The following FAM193A variants were observed in gnomAD, a reference collection of about 807,000 sequenced individuals.
FAM193A encodes the protein family with sequence similarity 193 member A.
Under a neutral mutation model 126.5 loss-of-function variants are expected in FAM193A, and 22 were observed. That is an observed-to-expected ratio of 0.17 (90% CI 0.12 to 0.25). FAM193A has a LOEUF of 0.25. FAM193A is among the 10% of genes least tolerant of loss of function. The pLI is 1.00. For synonymous variants in FAM193A, 761 were observed against 646.8 expected (o/e 1.18, Z -2.68); for missense variants, 1,675 against 1,672.8 (o/e 1.00, Z -0.02).
At chr4:2,544,003 T>G (rs566726047) in intron 1 of FAM193A, among the ~76,000 whole-genome samples, 1 of 152,070 alleles carries the variant, frequency 6.6e-6, no homozygotes, top group South Asian at 2.1e-4. Flanking sequence ...GAGGGTGCAC[T>G]TAGAAGCCTT....
At chr4:2,689,745 C>T (rs1560571136) in intron 14 of FAM193A, 41 bp downstream of exon 14, 1 of 1,398,898 alleles carries the variant, frequency 7.1e-7, no homozygotes, top group East Asian at 2.5e-5. Context: ...TTTAAAATAA[C>T]CTGAGTAGAC....
Position 2,672,355 on chromosome 4 carries a change from C to T in FAM193A, c.2314C>T (p.Pro772Ser). 1 of 1,614,174 alleles carries T rather than the reference C, an allele frequency of 6.2e-7. No homozygotes were observed. The highest frequency in any genetic ancestry group is 8.5e-7 in the Non-Finnish European group (1 of 1,180,026). Residue 772 changes from proline (P) to serine (S), a missense_variant, in exon 13 of 21, where the codon CCC becomes TCC. Pro to Ser is a moderately conservative substitution (Grantham distance 74). Transcript: ENST00000637812. ...LIHPTLYATP[P>S]FTHSKALPPA... ...CCACCCCACCTTGTATGCAACGCCC[C>T]CCTTCACACACAGTAAGGTAAGTCA...
intron 13 of FAM193A, among the ~76,000 whole-genome samples, chr4:2,675,355 A>G (rs141339805): frequency 1.5e-4 from 23 of 152,270 alleles, no homozygotes; most frequent in Non-Finnish European, 2.6e-4. Flanking sequence ...CGTGCCCTTG[A>G]AGACTTCCAT....
At chr4:2,731,637 G>A (rs1305696702) in intron 20 of FAM193A, 138 bp from the exon 21 acceptor site, 2 of 660,854 alleles carry the variant, frequency 3.0e-6, no homozygotes, top group Non-Finnish European at 5.4e-6. Context: ...CCTTGACACT[G>A]TGCCCCTCAC....
chr4:2,633,530 AG>A (rs1743805367), intron 5 of FAM193A, among the ~76,000 whole-genome samples: 1 of 151,978 alleles, frequency 6.6e-6, no homozygotes, highest in African/African-American at 2.4e-5. Flanking sequence ...ATTGATTTCT[AG>A]GGGTCCAGCA....
intron 1 of FAM193A, among the ~76,000 whole-genome samples, chr4:2,551,737 T>C (rs767258040): frequency 6.6e-6 from 1 of 152,154 alleles, no homozygotes; most frequent in Non-Finnish European, 1.5e-5. Context: ...GCTGTTGGTT[T>C]TACTGATTTT....
intron 2 of FAM193A, among the ~76,000 whole-genome samples, chr4:2,604,791 C>CTTTT (rs869148370): frequency 6.1e-4 from 61 of 99,564 alleles, no homozygotes; most frequent in African/African-American, 8.3e-4. Flanking sequence ...TTTCTTTTTC[C>CTTTT]TTTTTTTTTT....
Position 2,662,985 on chromosome 4 carries a change from G to T in FAM193A, c.1893G>T (p.Lys631Asn). 2 of 1,612,562 alleles carry T rather than the reference G, an allele frequency of 1.2e-6. No individual in the cohort carries two copies. Among genetic ancestry groups the T allele is most frequent in the Non-Finnish European group, 1.7e-6 (2 of 1,178,696 alleles). ...LNGGGENMAL[K>N]DESPQISSTS... is the part of the protein sequence containing the mutation. ...GTGGCGGGGAAAACATGGCCCTGAA[G>T]GATGAGGTATGGACATGGCTTCTTC... The change falls in exon 11 of 21, where the codon AAG (lysine) becomes AAT (asparagine). Residue 631 changes from lysine to asparagine, a missense_variant. Around this residue, in one of 4 missense-constraint regions of FAM193A, gnomAD observed 1,186 missense variants for 1,109.2 expected, o/e 1.07. Transcript: ENST00000637812.
intron 1 of FAM193A, among the ~76,000 whole-genome samples, chr4:2,542,078 T>C (rs1578556461): frequency 6.7e-6 from 1 of 150,302 alleles, no homozygotes; most frequent in South Asian, 2.1e-4. Context: ...TACAGTGGGG[T>C]GATCTTAGCT....
chr4:2,673,637 C>T (rs1391264892), intron 13 of FAM193A, among the ~76,000 whole-genome samples: 4 of 151,674 alleles, frequency 2.6e-5, no homozygotes, highest in South Asian at 2.1e-4. Context: ...CTTCATGGTC[C>T]GCCTGGTTTG....
At chr4:2,597,505 AGAG>A (rs1219341176) in intron 2 of FAM193A, among the ~76,000 whole-genome samples, 2 of 152,162 alleles carry the variant, frequency 1.3e-5, no homozygotes. Flanking sequence ...GCCCTGGTCC[AGAG>A]GCCAGCGGAA....
intron 1 of FAM193A, among the ~76,000 whole-genome samples, chr4:2,542,098 C>G (rs940527231): frequency 6.6e-6 from 1 of 151,952 alleles, no homozygotes; most frequent in South Asian, 2.1e-4. Context: ...TCACTGCAAC[C>G]TCCGCCTCCT....
At chr4:2,673,957 A>G (rs1016947965) in intron 13 of FAM193A, among the ~76,000 whole-genome samples, 1 of 152,216 alleles carries the variant, frequency 6.6e-6, no homozygotes, top group Admixed American at 6.5e-5. Context: ...TGTATCTAAT[A>G]TCTGTTCTCT....
chr4:2,631,282 T>A, intron 5 of FAM193A, 113 bp downstream of exon 5: 1 of 888,090 alleles, frequency 1.1e-6, no homozygotes, highest in South Asian at 1.7e-5. Context: ...CCCCACACAC[T>A]GTGATAGGCC....
chr4:2,645,942 A>G (rs1286198629), intron 6 of FAM193A, among the ~76,000 whole-genome samples: 1 of 152,184 alleles, frequency 6.6e-6, no homozygotes, highest in African/African-American at 2.4e-5. Context: ...TTTATGTCTC[A>G]TTAAGTGTTT....
chr4:2,724,341 C>CA (rs1247615064), intron 20 of FAM193A, among the ~76,000 whole-genome samples: 2 of 152,252 alleles, frequency 1.3e-5, no homozygotes, highest in East Asian at 1.9e-4. Context: ...CTAAACTAGT[C>CA]AAAATCACTT....
Position 2,693,791 on chromosome 4 carries a change from T to C in FAM193A, c.3009T>C (p.Phe1003=). Residue 1003 remains phenylalanine (F), a synonymous_variant, in exon 16 of 21, where the codon TTT becomes TTC. Transcript: ENST00000637812. ...FPKTATTTPG[F]VDTRKSFCPA... ...AAACAGCAACCACAACTCCTGGGTT[T>C]GTGGACACACGCAAGAGTTTCTGTC... 1.2e-6 allele frequency: 2 copies of C among 1,614,228 alleles called. No individual in the cohort carries two copies. Among genetic ancestry groups the C allele is most frequent in the South Asian group, 2.2e-5 (2 of 91,088 alleles).
chr4:2,618,426 T>G (rs754520395), intron 2 of FAM193A, among the ~76,000 whole-genome samples: 4 of 151,660 alleles, frequency 2.6e-5, no homozygotes, highest in Middle Eastern at 3.4e-3. Flanking sequence ...ATTTTGGATT[T>G]ATTTATTTAT....
intron 19 of FAM193A, among the ~76,000 whole-genome samples, chr4:2,711,984 A>G (rs1719032446): frequency 6.6e-6 from 1 of 152,202 alleles, no homozygotes; most frequent in Admixed American, 6.5e-5. Context: ...CGATAGTGTA[A>G]TAGGCAGCTT....
Sources: allele counts gnomAD v4.1 joint callset (sites outside exome capture counted in the v4.1 genomes callset), GRCh38; gene constraint gnomAD v4.1.1; regional missense constraint gnomAD v4.1.1; transcripts MANE v1.5; gene names NCBI Gene and HGNC (gene_info 2026-07-23, HGNC 2026-07-21).